Variants in NPLOC4 observed in about 807,000 individuals in gnomAD.
NPLOC4 encodes NPL4 homolog, ubiquitin recognition factor, also known as nuclear protein localization protein 4 homolog.
In NPLOC4, 18 loss-of-function variants were observed where a neutral mutation model predicts 80.6. The observed-to-expected ratio is 0.22, with a 90% confidence interval of 0.15 to 0.33. NPLOC4 has a LOEUF of 0.33. Ranked by LOEUF, NPLOC4 falls within the 10% of genes least tolerant of loss-of-function variation. NPLOC4 has a pLI of 1.00. For synonymous variants in NPLOC4, 313 were observed against 301.5 expected (o/e 1.04, Z -0.39); for missense variants, 540 against 786.1 (o/e 0.69, Z 3.74).
In NPLOC4 at chr17:81,622,229, T is replaced by C. The variant is rs753134239; in HGVS notation, c.146A>G (p.Asn49Ser). 37 of 1,613,850 alleles carry C rather than the reference T, an allele frequency of 2.3e-5. No individual in the cohort carries two copies. Among genetic ancestry groups the C allele is most frequent in the African/African-American group, 4.0e-5 (3 of 74,914 alleles). Residue 49 changes from asparagine to serine, a missense_variant, in exon 3 of 17, where the codon AAT (asparagine) becomes AGT (serine). Asn to Ser is a conservative substitution (Grantham distance 46). Around this residue, in one of 6 missense-constraint regions of NPLOC4, gnomAD observed 62 missense variants for 84.4 expected, o/e 0.73. Coordinates refer to ENST00000331134, the MANE Select transcript of NPLOC4 (RefSeq NM_017921.4). ...FQNNGFSVYINRNKTGEITAS... is the reference protein window; with the variant it reads ...FQNNGFSVYISRNKTGEITAS... ...TGTTATCTCTCCGGTCTTGTTTCTA[T>C]TGATGTAAACCGAGAAGCCATTATT... is the stretch of plus-strand genomic sequence containing the variant.
intron 13 of NPLOC4, 131 bp from the exon 14 acceptor site, chr17:81,569,242 C>G (rs894779056): frequency 7.9e-6 from 5 of 634,456 alleles, no homozygotes; most frequent in African/African-American, 3.7e-5. Flanking sequence ...TCTACAAGCT[C>G]TCCATCAAAG....
chr17:81,610,768 A>T (rs71373088), intron 4 of NPLOC4, among the ~76,000 whole-genome samples: 1 of 45,362 alleles, frequency 2.2e-5, no homozygotes, highest in African/African-American at 5.8e-5. Flanking sequence ...CTGGCTAACA[A>T]GGTGAAACCC....
At chr17:81,607,522 T>C (rs998440081) in intron 6 of NPLOC4, among the ~76,000 whole-genome samples, 1 of 152,214 alleles carries the variant, frequency 6.6e-6, no homozygotes, top group African/African-American at 2.4e-5. Context: ...AACGGCTAAA[T>C]TGAGCTAATT....
intron 12 of NPLOC4, among the ~76,000 whole-genome samples, chr17:81,587,861 G>C (rs1218288288): frequency 6.7e-6 from 1 of 149,554 alleles, no homozygotes; most frequent in Non-Finnish European, 1.5e-5. Flanking sequence ...TTTTTTAGTA[G>C]AGACGGGGTT....
rs1267693253 is a variant in NPLOC4, at chr17:81,610,366, G to A, written c.387-108C>T. The A allele has an allele frequency of 1.1e-5, 10 of 934,980 alleles. 1 individual carries two copies. The East Asian group carries it at 1.6e-4, about 15-fold the overall frequency. The allele number at this position is 934,980 out of a possible 1,614,324, so 57.9% of individuals were successfully genotyped here. A position where few individuals can be genotyped will look rare whatever the true frequency, so the allele number is the denominator to read the frequency against. ...TTTAACAGAGTGTTTCCCTGCCCAC[G>A]TGGAGTTATATTCCAGATGGCACAT... On this transcript the variant is annotated intron_variant, in intron 4 of 16. Coordinates refer to ENST00000331134, the MANE Select transcript of NPLOC4 (RefSeq NM_017921.4).
At chr17:81,559,940 G>A (rs2033797962) in intron 16 of NPLOC4, among the ~76,000 whole-genome samples, 1 of 151,414 alleles carries the variant, frequency 6.6e-6, no homozygotes, top group South Asian at 2.1e-4. Flanking sequence ...TCACCATGTT[G>A]GCCAGGCTGG....
intron 6 of NPLOC4, among the ~76,000 whole-genome samples, chr17:81,607,120 T>C (rs2035222748): frequency 6.6e-6 from 1 of 152,206 alleles, no homozygotes; most frequent in African/African-American, 2.4e-5. Flanking sequence ...AAGAATACTG[T>C]AGAATATCTA....
chr17:81,618,386 G>A (rs1432995346), intron 3 of NPLOC4, among the ~76,000 whole-genome samples: 12 of 146,782 alleles, frequency 8.2e-5, no homozygotes, highest in Admixed American at 4.7e-4. Context: ...CTGCCTGGCC[G>A]CCCCGTCTGA....
chr17:81,565,302 G>C (rs1444747482), intron 16 of NPLOC4: 2 of 702,942 alleles, frequency 2.8e-6, no homozygotes, highest in Non-Finnish European at 2.6e-6. Context: ...GTACGGCCTG[G>C]ACAACATGTC....
intron 5 of NPLOC4, 163 bp from the exon 6 acceptor site, chr17:81,608,985 C>A: frequency 1.9e-6 from 1 of 513,892 alleles, no homozygotes; most frequent in South Asian, 3.4e-5. Context: ...TGAGTCAGAA[C>A]CAAGTTTTTC....
chr17:81,563,401 A>C (rs2033910530), intron 16 of NPLOC4: 1 of 151,736 alleles, frequency 6.6e-6, no homozygotes, highest in East Asian at 1.9e-4. Context: ...AAGAAAAAAA[A>C]AAAACACCAA....
intron 2 of NPLOC4, among the ~76,000 whole-genome samples, chr17:81,627,367 G>A (rs1201543629): frequency 6.6e-6 from 1 of 151,302 alleles, no homozygotes; most frequent in African/African-American, 2.4e-5. Context: ...ATTCCAGCCT[G>A]GGCAACAGAA....
In NPLOC4 at chr17:81,629,791, C is replaced by A. The variant is rs763349442; in HGVS notation, c.30G>T (p.Gln10His). Residue 10 changes from glutamine to histidine, a missense_variant, in exon 2 of 17, where the codon CAG becomes CAT. Gln to His is a conservative substitution (Grantham distance 24). This residue lies in a region of NPLOC4 where 62 missense variants were observed against 84.4 expected (regional missense o/e 0.73). Transcript: ENST00000331134. ...TGATCCGCTTCACTCCATCCGGGGACTGGACACGAATTATCTGTTGCAAAC... is the reference window on the plus strand; with the variant it reads ...TGATCCGCTTCACTCCATCCGGGGAATGGACACGAATTATCTGTTGCAAAC... The part of the protein sequence containing the change: MAESIIIRV[Q>H]SPDGVKRITA... The A allele has an allele frequency of 6.2e-7, 1 of 1,613,424 alleles. No individual in the cohort carries two copies. Among genetic ancestry groups the A allele is most frequent in the Non-Finnish European group, 8.5e-7 (1 of 1,179,374 alleles).
At chr17:81,601,324 A>T (rs774851486) in intron 8 of NPLOC4, among the ~76,000 whole-genome samples, 3 of 152,244 alleles carry the variant, frequency 2.0e-5, no homozygotes, top group Non-Finnish European at 4.4e-5. Flanking sequence ...GGAGGTCATT[A>T]ATACCTCCAG....
chr17:81,585,039 G>A (rs771954749), intron 12 of NPLOC4, among the ~76,000 whole-genome samples: 26 of 151,866 alleles, frequency 1.7e-4, no homozygotes, highest in South Asian at 4.1e-4. Flanking sequence ...GCGTGGCAGC[G>A]TGCGCCTGTA....
intron 12 of NPLOC4, among the ~76,000 whole-genome samples, chr17:81,575,238 T>G (rs1442415109): frequency 6.6e-6 from 1 of 152,192 alleles, no homozygotes. Flanking sequence ...TAGCTGGGAC[T>G]ACAGGTGCCC....
intron 6 of NPLOC4, among the ~76,000 whole-genome samples, chr17:81,608,338 G>A (rs2035256815): frequency 1.3e-5 from 2 of 152,166 alleles, no homozygotes; most frequent in Admixed American, 6.5e-5. Context: ...GTGTGTGTGG[G>A]GACAGCCTCT....
At chr17:81,592,228 T>G (rs571612116) in intron 11 of NPLOC4, among the ~76,000 whole-genome samples, 2 of 152,168 alleles carry the variant, frequency 1.3e-5, no homozygotes, top group African/African-American at 4.8e-5. Flanking sequence ...GGGACGGGAA[T>G]GCAACAAGTA....
rs2034035833 is a variant in NPLOC4 at position 81,567,202 on chromosome 17, G to A, written c.1566+215C>T. On this transcript the variant is annotated intron_variant, in intron 15 of 16. Coordinates refer to ENST00000331134, the MANE Select transcript of NPLOC4 (RefSeq NM_017921.4). The surrounding 1 kb of genome is among the most constrained non-coding windows in gnomAD (Gnocchi z 4.5). Reference sequence around the variant, plus strand: ...GCAGACACTCAATGGAAATGCTAAAGGTGAAAAAATTAATCTTTCTATCAA... The same window carrying A: ...GCAGACACTCAATGGAAATGCTAAAAGTGAAAAAATTAATCTTTCTATCAA... Among the ~76,000 whole-genome samples, 3 of 149,650 alleles carry A rather than the reference G, an allele frequency of 2.0e-5. No individual in the cohort carries two copies. Among genetic ancestry groups the A allele is most frequent in the Admixed American group, 6.6e-5 (1 of 15,054 alleles).
Sources: gnomAD v4.1 joint callset for allele counts (sites outside exome capture counted in the v4.1 genomes callset) on GRCh38, gnomAD v4.1.1 for gene constraint, gnomAD v4.1.1 regional missense constraint, Gnocchi (gnomAD v3.1) non-coding constraint, MANE v1.5 for transcripts, NCBI Gene and HGNC (gene_info 2026-07-23, HGNC 2026-07-21) for gene names.